The following NPNT variants were observed in gnomAD, a reference collection of about 807,000 sequenced individuals.
The protein encoded by NPNT is preosteoblast EGF-like repeat protein with MAM domain.
NPNT carries 45 observed loss-of-function variants against 68.6 expected under a neutral mutation model. The observed-to-expected ratio is 0.66, with a 90% CI of 0.52 to 0.84. The LOEUF is 0.84. NPNT is among the 40% of genes least tolerant of loss of function. NPNT has a pLI of 0.00. For missense variants in NPNT, 672 were observed against 714.8 expected, an observed-to-expected ratio of 0.94 and a Z score of 0.68; for synonymous variants, 233 against 253.3, an observed-to-expected ratio of 0.92 and a Z score of 0.76.
chr4:105,940,018 C>G, intron 5 of NPNT, 57 bp from the exon 6 acceptor site: 2 of 1,483,508 alleles, frequency 1.3e-6, no homozygotes, highest in African/African-American at 1.4e-5. Context: ...TTTTGAAACC[C>G]ACTCTGTCTT....
At chr4:105,898,936 T>TATATATATATAAAATATATA (rs1726182531) in intron 2 of NPNT, among the ~76,000 whole-genome samples, 1 of 152,028 alleles carries the variant, frequency 6.6e-6, no homozygotes, top group Non-Finnish European at 1.5e-5. Flanking sequence ...CTAAGTTGGG[T>TATATATATATAAAATATATA]TCTACATTGG....
intron 8 of NPNT, among the ~76,000 whole-genome samples, chr4:105,955,044 G>T (rs574641072): frequency 1.1e-4 from 16 of 152,226 alleles, no homozygotes; most frequent in Non-Finnish European, 2.2e-4. Flanking sequence ...AAGGAGGCAG[G>T]ATGCATGGAC....
rs1460889839 is a variant in NPNT, at chr4:105,970,696, AAATTTGTCT to A, written c.*1708_*1716del. The stretch of plus-strand genomic sequence containing the variant: ...TCTCTCTTTCTAAAAAATTAGATAA[AAATTTGTCT>A]ATTTAAGATGGTTAAAGATGTTCTT... On this transcript the variant is annotated 3_prime_UTR_variant, in exon 12 of 12. Transcript: ENST00000379987. 2.1e-6 allele frequency: 1 copy of A among 487,348 alleles called. No individual in the cohort carries two copies. The highest frequency in any genetic ancestry group is 3.8e-6 in the Non-Finnish European group (1 of 264,386). The allele number at this position is 487,348 out of a possible 1,614,324, so 30.2% of individuals were successfully genotyped here.
intron 3 of NPNT, among the ~76,000 whole-genome samples, chr4:105,929,130 C>A (rs1728918918): frequency 6.6e-6 from 1 of 152,020 alleles, no homozygotes; most frequent in South Asian, 2.1e-4. Flanking sequence ...CCCCTAACCC[C>A]CAACAGTTCC....
At chr4:105,921,888 G>C (rs931474945) in intron 2 of NPNT, among the ~76,000 whole-genome samples, 4 of 152,130 alleles carry the variant, frequency 2.6e-5, no homozygotes, top group Non-Finnish European at 5.9e-5. Flanking sequence ...TGTGAAGCTT[G>C]TTGGGTGTAA....
intron 2 of NPNT, among the ~76,000 whole-genome samples, chr4:105,900,960 T>A (rs1726367503): frequency 1.3e-5 from 2 of 152,104 alleles, no homozygotes; most frequent in Admixed American, 1.3e-4. Context: ...TGACTATTGA[T>A]GTGGCTGTTT....
At chr4:105,940,233 T>C in intron 6 of NPNT, 24 bp downstream of exon 6, 2 of 1,610,094 alleles carry the variant, frequency 1.2e-6, no homozygotes, top group East Asian at 4.5e-5. Context: ...ACCATTGCTT[T>C]GTGTTGTTTC....
At chr4:105,907,349 A>T (rs1726986103) in intron 2 of NPNT, among the ~76,000 whole-genome samples, 1 of 152,224 alleles carries the variant, frequency 6.6e-6, no homozygotes, top group African/African-American at 2.4e-5. Flanking sequence ...CTCAATGCAT[A>T]TTCTGAGAGT....
intron 10 of NPNT, among the ~76,000 whole-genome samples, chr4:105,961,234 A>G (rs1731695240): frequency 6.6e-6 from 1 of 152,102 alleles, no homozygotes; most frequent in Non-Finnish European, 1.5e-5. Flanking sequence ...TGTGTTTTTG[A>G]CTGTACCACA....
At chr4:105,968,046 C>CA (rs1158733234) in intron 11 of NPNT, among the ~76,000 whole-genome samples, 4 of 151,980 alleles carry the variant, frequency 2.6e-5, no homozygotes, top group Admixed American at 2.0e-4. Context: ...ACATAGGTAG[C>CA]AAAAAAATGG....
intron 8 of NPNT, among the ~76,000 whole-genome samples, chr4:105,956,376 G>T (rs1423594934): frequency 6.6e-6 from 1 of 151,832 alleles, no homozygotes; most frequent in Non-Finnish European, 1.5e-5. Context: ...CCTCAGAGAG[G>T]ACCTCTTGAT....
chr4:105,940,248 T>C (rs1019500339), intron 6 of NPNT, 39 bp downstream of exon 6: 4 of 1,599,656 alleles, frequency 2.5e-6, no homozygotes, highest in Non-Finnish European at 3.4e-6. Context: ...TGTTTCTTCC[T>C]AGAGCACTGA....
At chr4:105,943,292 C>T (rs1040450959) in intron 8 of NPNT, among the ~76,000 whole-genome samples, 2 of 152,036 alleles carry the variant, frequency 1.3e-5, no homozygotes, top group African/African-American at 4.8e-5. Context: ...CCGAGTGAAA[C>T]GGAGCAAAGT....
chr4:105,961,703 T>C (rs1424746682), intron 10 of NPNT, among the ~76,000 whole-genome samples: 1 of 152,210 alleles, frequency 6.6e-6, no homozygotes, highest in African/African-American at 2.4e-5. Flanking sequence ...TTGGACCGTG[T>C]TAGTACAGAG....
In NPNT at chr4:105,939,942, A is replaced by G. The variant is rs142370268; in HGVS notation, c.506-133A>G. On this transcript the variant is annotated intron_variant, in intron 5 of 11. Transcript: ENST00000379987. ...TGGAATTTATGTTGCCTGTAGGGAC[A>G]ACCAGCTAGATACCGTTTATGATGA... 5.8e-6 allele frequency: 4 copies of G among 693,568 alleles called. No homozygotes were observed. The East Asian group carries it at 1.1e-4, about 18-fold the overall frequency. 43.0% of individuals were successfully genotyped at this position (693,568 alleles called of 1,614,324 possible).
intron 7 of NPNT, among the ~76,000 whole-genome samples, chr4:105,941,644 G>C (rs1463536509): frequency 6.6e-6 from 1 of 152,016 alleles, no homozygotes; most frequent in African/African-American, 2.4e-5. Flanking sequence ...ATTAAATATT[G>C]ATTCTTTTTG....
chr4:105,923,316 T>A (rs1218060630), intron 2 of NPNT, among the ~76,000 whole-genome samples: 1 of 119,732 alleles, frequency 8.4e-6, no homozygotes, highest in Non-Finnish European at 2.0e-5. Context: ...AGAAATAAAG[T>A]TTTTTTTTTA....
chr4:105,927,555 G>A, intron 3 of NPNT, 127 bp downstream of exon 3: 2 of 452,596 alleles, frequency 4.4e-6, no homozygotes, highest in South Asian at 4.8e-5. Flanking sequence ...CCATTTTGCT[G>A]ATAAATAAAA....
chr4:105,963,405 A>C (rs1294104859), intron 10 of NPNT, among the ~76,000 whole-genome samples: 1 of 152,190 alleles, frequency 6.6e-6, no homozygotes, highest in Non-Finnish European at 1.5e-5. Flanking sequence ...CTTATATGCT[A>C]ATATTTCTAA....
Sources: gnomAD v4.1 joint callset for allele counts (sites outside exome capture counted in the v4.1 genomes callset) on GRCh38, gnomAD v4.1.1 for gene constraint, MANE v1.5 for transcripts, NCBI Gene and HGNC (gene_info 2026-07-23, HGNC 2026-07-21) for gene names.